WASL: variants seen among roughly 807,000 people sequenced by gnomAD.
The protein encoded by WASL is WASP like actin nucleation promoting factor.
Under a neutral mutation model 55.5 loss-of-function variants are expected in WASL, and 20 were observed. That is an observed-to-expected ratio of 0.36 (90% CI 0.25 to 0.52). The LOEUF (loss-of-function observed/expected upper bound fraction) is 0.52. Among genes scored for constraint, WASL ranks in the 20% least tolerant of loss-of-function variants. The pLI is 0.92. For missense variants in WASL, 504 were observed against 622.5 expected (o/e 0.81, Z 2.03); for synonymous variants, 249 against 217.6 (o/e 1.14, Z -1.27).
chr7:123,720,395 T>C (rs1803924227), intron 1 of WASL: 1 of 433,168 alleles, frequency 2.3e-6, no homozygotes, highest in Non-Finnish European at 4.5e-6. Flanking sequence ...ATGAACAAGA[T>C]ACACTGTTAT....
At chr7:123,722,274 T>TATA (rs1237066845) in intron 1 of WASL, among the ~76,000 whole-genome samples, 6 of 152,196 alleles carry the variant, frequency 3.9e-5, no homozygotes, top group African/African-American at 1.2e-4. Context: ...AATAATTTAT[T>TATA]AGAACAAGAT....
intron 5 of WASL, among the ~76,000 whole-genome samples, chr7:123,697,290 C>A (rs941565912): frequency 3.3e-5 from 5 of 152,216 alleles, no homozygotes; most frequent in East Asian, 1.9e-4. Context: ...TACGCATACA[C>A]CTTGACTATC....
rs1803672462 is a variant in WASL, at chr7:123,706,505, T to TCAGA, written c.340-133_340-132insTCTG. ...ATTTTACTAGCAGATAAGACATTAT[T>TCAGA]TTATGATCTGAATAACTTAACACAA... On this transcript the variant is annotated intron_variant, in intron 3 of 10. Coordinates refer to ENST00000223023, the MANE Select transcript of WASL (RefSeq NM_003941.4). 3.3e-6 allele frequency: 3 copies of TCAGA among 903,024 alleles called. No individual in the cohort carries two copies. In the South Asian group the frequency reaches 5.2e-5, roughly 16 times the overall value. The allele number at this position is 903,024 out of a possible 1,614,324, so 55.9% of individuals were successfully genotyped here. A position where few individuals can be genotyped will look rare whatever the true frequency, so the allele number is the denominator to read the frequency against.
At chr7:123,728,097 A>G (rs1343654036) in intron 1 of WASL, among the ~76,000 whole-genome samples, 1 of 152,236 alleles carries the variant, frequency 6.6e-6, no homozygotes. Context: ...TCAAAGTGAG[A>G]TGTCTCTAAG....
intron 1 of WASL, among the ~76,000 whole-genome samples, chr7:123,730,917 C>A (rs537561814): frequency 6.6e-6 from 1 of 152,152 alleles, no homozygotes; most frequent in South Asian, 2.1e-4. Context: ...GCATAGTATC[C>A]CACTGGTAGT....
intron 1 of WASL, 52 bp from the exon 2 acceptor site, chr7:123,709,275 T>C (rs745883404): frequency 1.0e-4 from 149 of 1,493,584 alleles, no homozygotes; most frequent in Non-Finnish European, 1.2e-4. Flanking sequence ...ATGTAGATGA[T>C]CATAGCCCCT....
At chr7:123,735,738 AAC>A (rs1804217652) in intron 1 of WASL, among the ~76,000 whole-genome samples, 2 of 152,252 alleles carry the variant, frequency 1.3e-5, no homozygotes, top group South Asian at 2.1e-4. Flanking sequence ...ATCCGAAAGA[AAC>A]ACAGAAAAGG....
At chr7:123,726,281 T>C (rs1031311158) in intron 1 of WASL, among the ~76,000 whole-genome samples, 3 of 152,164 alleles carry the variant, frequency 2.0e-5, no homozygotes, top group African/African-American at 7.2e-5. Context: ...AATGGTGCTG[T>C]ATCAAATTAA....
At chr7:123,735,727 T>C (rs1389905935) in intron 1 of WASL, among the ~76,000 whole-genome samples, 1 of 151,994 alleles carries the variant, frequency 6.6e-6, no homozygotes, top group Non-Finnish European at 1.5e-5. Flanking sequence ...CAACAACTGC[T>C]ATCCGAAAGA....
chr7:123,700,984 A>T (rs1438847806), intron 5 of WASL, among the ~76,000 whole-genome samples: 1 of 152,214 alleles, frequency 6.6e-6, no homozygotes, highest in East Asian at 1.9e-4. Flanking sequence ...TATTTACTTT[A>T]GAGTTTGAAG....
chr7:123,739,874 A>G (rs1415414181), intron 1 of WASL, among the ~76,000 whole-genome samples: 1 of 80,032 alleles, frequency 1.2e-5, no homozygotes, highest in Non-Finnish European at 2.4e-5. Flanking sequence ...ATACATTTAT[A>G]TATGTGTGTG....
In WASL at chr7:123,695,894, AAAAC is replaced by A. The variant is rs749179826; in HGVS notation, c.630-33_630-30del. On this transcript the variant is annotated intron_variant, in intron 6 of 10. Coordinates refer to ENST00000223023, the MANE Select transcript of WASL (RefSeq NM_003941.4). ...AAGTAGAAAATAGAAAAAAAATAGA[AAAAC>A]AAAATGCATAAAGGGCATTATAAAC... 6 of 1,608,142 alleles carry A rather than the reference AAAAC, an allele frequency of 3.7e-6. No homozygotes were observed. The African/African-American group carries it at 8.0e-5, about 22-fold the overall frequency.
At position 123,748,956 on chromosome 7, in the gene WASL, G is replaced by A. The variant is rs984406518; in HGVS notation, c.-222C>T. On this transcript the variant is annotated 5_prime_UTR_variant, in exon 1 of 11. Coordinates refer to ENST00000223023, the MANE Select transcript of WASL (RefSeq NM_003941.4). ...AAAGGGAAGCTCCCGGCACCCGCCC[G>A]GCCAGGCTAGGGCCGGATGGTCGTT... The A allele has an allele frequency of 3.9e-5, 22 of 567,886 alleles. No individual in the cohort carries two copies. The South Asian group carries it at 4.2e-4, about 11-fold the overall frequency. The allele number at this position is 567,886 out of a possible 1,614,324, so 35.2% of individuals were successfully genotyped here. A position where few individuals can be genotyped will look rare whatever the true frequency, so the allele number is the denominator to read the frequency against.
At chr7:123,688,997 A>G in intron 10 of WASL, 45 bp downstream of exon 10, 1 of 1,432,606 alleles carries the variant, frequency 7.0e-7, no homozygotes. Context: ...ACACACGCAC[A>G]CTCTCTCTGT....
chr7:123,748,657 C>G lies in WASL; in HGVS notation c.78G>C (p.Glu26Asp). Residue 26 changes from glutamate to aspartate, a missense_variant, in exon 1 of 11, where the codon GAG (glutamate) becomes GAC (aspartate). By Grantham distance (45) the Glu-to-Asp change is conservative (BLOSUM62 2). Coordinates refer to ENST00000223023, the MANE Select transcript of WASL (RefSeq NM_003941.4). ...CGAGGAAAGTGAAGAGGGACTCGTT[C>G]TCCTGCGGGGTGAGCAACAGGGACC... Reference protein sequence around the residue: ...NVGSLLLTPQENESLFTFLGK... With the variant: ...NVGSLLLTPQDNESLFTFLGK... 6.2e-7 allele frequency: 1 copy of G among 1,613,290 alleles called. No individual in the cohort carries two copies. The highest frequency in any genetic ancestry group is 8.5e-7 in the Non-Finnish European group (1 of 1,179,640).
chr7:123,707,768 G>A (rs188493035), intron 2 of WASL, among the ~76,000 whole-genome samples: 14 of 152,234 alleles, frequency 9.2e-5, no homozygotes, highest in African/African-American at 3.1e-4. Flanking sequence ...TTCAAACTAC[G>A]TATGTGTTCC....
At chr7:123,687,445 A>G (rs1562956296) in intron 10 of WASL, among the ~76,000 whole-genome samples, 1 of 151,750 alleles carries the variant, frequency 6.6e-6, no homozygotes, top group Non-Finnish European at 1.5e-5. Flanking sequence ...TTGTTTCTCA[A>G]CCTCACAGAC....
chr7:123,710,259 TATA>T (rs1277270793), intron 1 of WASL, among the ~76,000 whole-genome samples: 3 of 151,254 alleles, frequency 2.0e-5, no homozygotes, highest in Admixed American at 2.0e-4. Flanking sequence ...TCATTTAGAA[TATA>T]ATACTTCATA....
At chr7:123,699,911 T>C (rs1451643348) in intron 5 of WASL, among the ~76,000 whole-genome samples, 1 of 152,064 alleles carries the variant, frequency 6.6e-6, no homozygotes, top group African/African-American at 2.4e-5. Context: ...GCGCGGTGGC[T>C]CACGCCTGTA....
Sources: gnomAD v4.1 joint callset for allele counts (sites outside exome capture counted in the v4.1 genomes callset) on GRCh38, gnomAD v4.1.1 for gene constraint, MANE v1.5 for transcripts, NCBI Gene and HGNC (gene_info 2026-07-23, HGNC 2026-07-21) for gene names.